FAM185A: variants seen among roughly 807,000 people sequenced by gnomAD.
FAM185A encodes family with sequence similarity 185 member A, also known as protein FAM185A.
FAM185A carries 21 observed loss-of-function variants against 45.7 expected under a neutral mutation model. That is an observed-to-expected ratio of 0.46 (90% CI 0.33 to 0.66). The LOEUF (loss-of-function observed/expected upper bound fraction) is 0.66, where lower values mean the gene tolerates loss of function less well. FAM185A is among the 30% of genes least tolerant of loss of function. FAM185A has a pLI of 0.03. For missense variants in FAM185A, 305 were observed against 485.4 expected (o/e 0.63, Z 3.49); for synonymous variants, 117 against 194.0 (o/e 0.60, Z 3.30).
At chr7:102,776,116 A>ATATACACACACACACACACAC (rs1198677194) in intron 5 of FAM185A, among the ~76,000 whole-genome samples, 1 of 126,598 alleles carries the variant, frequency 7.9e-6, no homozygotes. Context: ...ACACACACAC[A>ATATACACACACACACACACAC]AATGTTTTCT....
At chr7:102,752,618 G>T (rs1490656442) in intron 2 of FAM185A, among the ~76,000 whole-genome samples, 15 of 150,468 alleles carry the variant, frequency 1.0e-4, no homozygotes, top group Admixed American at 2.6e-4. Flanking sequence ...TAGAGACAGT[G>T]TCTCACTGTA....
intron 7 of FAM185A, among the ~76,000 whole-genome samples, chr7:102,796,766 G>A (rs1163899757): frequency 6.6e-6 from 1 of 152,132 alleles, no homozygotes; most frequent in Non-Finnish European, 1.5e-5. Flanking sequence ...ACAGATGACC[G>A]AATTAGCAGA....
chr7:102,848,273 G>GTGTGTACGGATATTAT, the FAM185A span, among the ~76,000 whole-genome samples: 6 of 116,170 alleles, frequency 5.2e-5, no homozygotes, highest in African/African-American at 1.4e-4. Context: ...ATACACATTC[G>GTGTGTACGGATATTAT]AGGCCGGGCG....
At chr7:102,797,097 T>A (rs1458476761) in intron 7 of FAM185A, among the ~76,000 whole-genome samples, 1 of 152,220 alleles carries the variant, frequency 6.6e-6, no homozygotes, top group Non-Finnish European at 1.5e-5. Flanking sequence ...TCAAAAATAT[T>A]TTTTTATCTG....
intron 2 of FAM185A, chr7:102,755,630 T>G: frequency 1.7e-6 from 1 of 603,356 alleles, no homozygotes; most frequent in Non-Finnish European, 3.0e-6. Context: ...TGGATCCCAT[T>G]GAGCTGACTG....
the FAM185A span, among the ~76,000 whole-genome samples, chr7:102,850,372 A>C: frequency 6.6e-6 from 1 of 152,192 alleles, no homozygotes; most frequent in Non-Finnish European, 1.5e-5. Context: ...AATAATGTAC[A>C]TTAAGAGGCT....
chr7:102,811,331 T>C (rs926705794), downstream of FAM185A, among the ~76,000 whole-genome samples: 6 of 152,310 alleles, frequency 3.9e-5, no homozygotes, highest in African/African-American at 1.4e-4. Flanking sequence ...ATGAAATACG[T>C]AAGGGCTAAA....
chr7:102,768,799 G>T (rs533791328), intron 4 of FAM185A, among the ~76,000 whole-genome samples: 1 of 152,180 alleles, frequency 6.6e-6, no homozygotes, highest in Non-Finnish European at 1.5e-5. Flanking sequence ...TATAACTTGA[G>T]AGTAGGGTAA....
At chr7:102,799,646 T>C (rs527662567) in intron 7 of FAM185A, among the ~76,000 whole-genome samples, 129 of 152,334 alleles carry the variant, frequency 8.5e-4, no homozygotes, top group African/African-American at 2.5e-3. Flanking sequence ...GATTTTGTTA[T>C]TGAACCAAAC....
intron 6 of FAM185A, among the ~76,000 whole-genome samples, chr7:102,785,450 C>G (rs1341742370): frequency 6.6e-6 from 1 of 151,904 alleles, no homozygotes; most frequent in Non-Finnish European, 1.5e-5. Flanking sequence ...CTACAGTAAC[C>G]AAAACAGCAT....
chr7:102,813,630 C>A, downstream of FAM185A: 1 of 1,224,382 alleles, frequency 8.2e-7, no homozygotes, highest in Non-Finnish European at 1.2e-6. Context: ...TTCACTGTCA[C>A]AATCTGAATT....
chr7:102,820,415 T>C, the FAM185A span, among the ~76,000 whole-genome samples: 1 of 152,242 alleles, frequency 6.6e-6, no homozygotes, highest in Non-Finnish European at 1.5e-5. Flanking sequence ...CATTGGGGTT[T>C]TGGGACAAAG....
chr7:102,800,296 G>GA (rs1423657309), intron 7 of FAM185A, among the ~76,000 whole-genome samples: 1 of 152,144 alleles, frequency 6.6e-6, no homozygotes, highest in African/African-American at 2.4e-5. Context: ...AAATGAGAAG[G>GA]AACCAGAAAA....
At chr7:102,846,544 G>GAAA in the FAM185A span, among the ~76,000 whole-genome samples, 8 of 150,802 alleles carry the variant, frequency 5.3e-5, no homozygotes, top group African/African-American at 2.0e-4. Flanking sequence ...GTCTGAGCCC[G>GAAA]GAAGGAGGTT....
downstream of FAM185A, among the ~76,000 whole-genome samples, chr7:102,812,151 C>T (rs1034468347): frequency 6.6e-5 from 10 of 152,156 alleles, no homozygotes; most frequent in Middle Eastern, 3.2e-3. Flanking sequence ...GCAGTCAGAA[C>T]AGAGTTGTGT....
the FAM185A span, among the ~76,000 whole-genome samples, chr7:102,818,278 A>G: frequency 6.6e-6 from 1 of 152,236 alleles, no homozygotes; most frequent in Non-Finnish European, 1.5e-5. Flanking sequence ...AATGTAATAT[A>G]AAGGCGAAGA....
At chr7:102,759,763 G>T (rs1429874595) in intron 3 of FAM185A, among the ~76,000 whole-genome samples, 1 of 151,950 alleles carries the variant, frequency 6.6e-6, no homozygotes, top group Non-Finnish European at 1.5e-5. Flanking sequence ...CTATTAAGAG[G>T]ATTAAATGAG....
the FAM185A span, among the ~76,000 whole-genome samples, chr7:102,815,002 A>G: frequency 1.3e-5 from 2 of 152,164 alleles, no homozygotes; most frequent in Non-Finnish European, 2.9e-5. Context: ...ATATCTTTCA[A>G]CACATTTTCT....
chr7:102,779,183 G>A (rs1584317779), intron 6 of FAM185A, among the ~76,000 whole-genome samples: 1 of 152,278 alleles, frequency 6.6e-6, no homozygotes, highest in East Asian at 1.9e-4. Flanking sequence ...TAGTACTGAT[G>A]TCAACCATGA....
Sources: allele counts gnomAD v4.1 joint callset (sites outside exome capture counted in the v4.1 genomes callset), GRCh38; gene constraint gnomAD v4.1.1; transcripts MANE v1.5; gene names NCBI Gene and HGNC (gene_info 2026-07-23, HGNC 2026-07-21).